Variants in WWC1 observed in about 807,000 individuals in gnomAD.
WWC1 encodes the protein protein KIBRA.
In WWC1, 55 loss-of-function variants were observed where a neutral mutation model predicts 138.4. The observed-to-expected ratio is 0.40, with a 90% CI of 0.32 to 0.50. The LOEUF (loss-of-function observed/expected upper bound fraction) is 0.50. Among genes scored for constraint, WWC1 ranks in the 20% least tolerant of loss-of-function variants. The pLI, the probability that WWC1 is intolerant of heterozygous loss-of-function variation, is 0.72. For synonymous variants in WWC1, 524 were observed against 564.9 expected (o/e 0.93, Z 1.03); for missense variants, 1,226 against 1,420.4 (o/e 0.86, Z 2.20).
chr5:168,349,648 C>T (rs1186306616), intron 1 of WWC1, among the ~76,000 whole-genome samples: 1 of 152,186 alleles, frequency 6.6e-6, no homozygotes, highest in Non-Finnish European at 1.5e-5. Context: ...GTTCAGCACA[C>T]AGTAGGTCCT....
chr5:168,339,830 CTTTT>C (rs59597331), intron 1 of WWC1, among the ~76,000 whole-genome samples: 2 of 135,178 alleles, frequency 1.5e-5, no homozygotes, highest in Non-Finnish European at 3.0e-5. Context: ...TTCTTTCTTT[CTTTT>C]TCTTTTCTTT....
intron 4 of WWC1, among the ~76,000 whole-genome samples, chr5:168,398,324 C>T (rs1435378798): frequency 6.6e-6 from 1 of 152,086 alleles, no homozygotes; most frequent in Non-Finnish European, 1.5e-5. Context: ...AGGATGGTCT[C>T]GATCTCCTGA....
At chr5:168,402,960 C>T (rs1411131775) in intron 5 of WWC1, among the ~76,000 whole-genome samples, 2 of 151,380 alleles carry the variant, frequency 1.3e-5, no homozygotes, top group Non-Finnish European at 2.9e-5. Context: ...TGTAATTTCC[C>T]CTATTAGAAA....
At chr5:168,352,913 G>A (rs1775096434) in intron 1 of WWC1, among the ~76,000 whole-genome samples, 2 of 152,100 alleles carry the variant, frequency 1.3e-5, no homozygotes, top group South Asian at 4.1e-4. Flanking sequence ...ATACAAAATA[G>A]TACCATCTCA....
chr5:168,423,493 C>A (rs1582245821), intron 10 of WWC1, 40 bp from the exon 11 acceptor site: 2 of 1,570,232 alleles, frequency 1.3e-6, no homozygotes, highest in Non-Finnish European at 8.6e-7. Context: ...GCCCACTTCA[C>A]TGTGTGCATC....
rs747570441 is a variant in WWC1, at chr5:168,444,511, G to A, written c.2451G>A (p.Leu817=). The A allele has an allele frequency of 5.0e-6, 8 of 1,590,696 alleles. No homozygotes were observed. The highest frequency in any genetic ancestry group is 3.5e-5 in the Admixed American group (2 of 56,594). Residue 817 remains leucine (L), a synonymous_variant, in exon 17 of 23, where the codon CTG becomes CTA. Coordinates refer to ENST00000265293, the MANE Select transcript of WWC1 (RefSeq NM_015238.3). ...GPASTDAVSA[L]LEQTAVELEK... ...CTCTATAGGACGCTGTGTCTGCTCT[G>A]TTGGAACAGACAGCAGTGGAGCTGG...
At chr5:168,305,662 T>C (rs1394231119) in intron 1 of WWC1, among the ~76,000 whole-genome samples, 1 of 152,168 alleles carries the variant, frequency 6.6e-6, no homozygotes, top group Non-Finnish European at 1.5e-5. Flanking sequence ...ATAAGGAGTC[T>C]TGATCTCCTT....
chr5:168,357,761 G>C (rs1472043313), intron 1 of WWC1, among the ~76,000 whole-genome samples: 1 of 152,110 alleles, frequency 6.6e-6, no homozygotes, highest in Non-Finnish European at 1.5e-5. Flanking sequence ...TTGACTTGCA[G>C]GTAGGGCTTC....
chr5:168,441,921 AG>A (rs1561771891), intron 16 of WWC1, 87 bp downstream of exon 16: 5 of 1,509,492 alleles, frequency 3.3e-6, no homozygotes, highest in Non-Finnish European at 3.6e-6. Flanking sequence ...GGAGGTGATC[AG>A]GCGTCATGAG....
At position 168,469,324 on chromosome 5, in the gene WWC1, T is replaced by C. The variant is rs553800956; in HGVS notation, c.*307T>C. On this transcript the variant is annotated 3_prime_UTR_variant, in exon 23 of 23. Transcript: ENST00000265293. ...AAAATTTAAATGAACTAAAGCAGTATTGAGTTGCTGCTCTTCTTAAAATCG... is the reference window on the plus strand; with the variant it reads ...AAAATTTAAATGAACTAAAGCAGTACTGAGTTGCTGCTCTTCTTAAAATCG... 237 of 354,370 alleles carry C rather than the reference T, an allele frequency of 6.7e-4. 1 individual carries two copies. The highest frequency in any genetic ancestry group is 4.6e-3 in the African/African-American group (225 of 48,486). The allele number at this position is 354,370 out of a possible 1,614,324, so 22.0% of individuals were successfully genotyped here. A position where few individuals can be genotyped will look rare whatever the true frequency, so the allele number is the denominator to read the frequency against.
At chr5:168,346,658 C>A (rs1055251893) in intron 1 of WWC1, among the ~76,000 whole-genome samples, 2 of 152,198 alleles carry the variant, frequency 1.3e-5, no homozygotes, top group African/African-American at 2.4e-5. Flanking sequence ...GTTGAGAAAC[C>A]TGTATGACTA....
chr5:168,401,712 C>T (rs957655515), intron 5 of WWC1, among the ~76,000 whole-genome samples: 6 of 152,160 alleles, frequency 3.9e-5, no homozygotes, highest in South Asian at 4.1e-4. Context: ...TTTACATCTA[C>T]GTTATATACG....
intron 17 of WWC1, among the ~76,000 whole-genome samples, chr5:168,445,701 CAAAAAAA>C (rs763044458): frequency 2.0e-5 from 1 of 50,684 alleles, no homozygotes. Context: ...GACTCTGTCT[CAAAAAAA>C]AAAAAAAAAA....
chr5:168,376,433 A>C (rs1249108817), intron 2 of WWC1, among the ~76,000 whole-genome samples: 1 of 152,238 alleles, frequency 6.6e-6, no homozygotes, highest in African/African-American at 2.4e-5. Flanking sequence ...AGCCAGAGCA[A>C]TCAAGGCAAG....
rs186033536 is a variant in WWC1, at chr5:168,460,422, C to T, written c.2824-228C>T. On this transcript the variant is annotated intron_variant, in intron 19 of 22. Transcript: ENST00000265293. ...TCAATGGGATATTCGTGGCATTTAG[C>T]ATCGTGCAGATACTAGCATGGAGAT... 2.5e-3 allele frequency among the ~76,000 whole-genome samples: 386 copies of T among 152,356 alleles called. 1 individual carries two copies. The highest frequency in any genetic ancestry group is 8.5e-3 in the African/African-American group (353 of 41,592).
At chr5:168,348,246 T>TGTG (rs1476328348) in intron 1 of WWC1, among the ~76,000 whole-genome samples, 1 of 152,172 alleles carries the variant, frequency 6.6e-6, no homozygotes, top group Non-Finnish European at 1.5e-5. Flanking sequence ...GGGACGTGAC[T>TGTG]GTGATGTGTG....
chr5:168,375,668 G>A (rs1457536058), intron 2 of WWC1, among the ~76,000 whole-genome samples: 2 of 151,824 alleles, frequency 1.3e-5, no homozygotes, highest in African/African-American at 2.4e-5. Flanking sequence ...TCCACCTTCC[G>A]GGTTCAAGCA....
intron 1 of WWC1, among the ~76,000 whole-genome samples, chr5:168,358,360 T>C (rs1488992316): frequency 6.6e-6 from 1 of 152,164 alleles, no homozygotes; most frequent in Admixed American, 6.5e-5. Context: ...GGAACCTGAG[T>C]GTCCAGAAGG....
chr5:168,306,067 G>A (rs536376093), intron 1 of WWC1, among the ~76,000 whole-genome samples: 11 of 152,320 alleles, frequency 7.2e-5, no homozygotes, highest in Non-Finnish European at 1.6e-4. Context: ...GATTCAGGAA[G>A]TATTTAAAAA....
Sources: gnomAD v4.1 joint callset for allele counts (sites outside exome capture counted in the v4.1 genomes callset) on GRCh38, gnomAD v4.1.1 for gene constraint, MANE v1.5 for transcripts, NCBI Gene and HGNC (gene_info 2026-07-23, HGNC 2026-07-21) for gene names.